Variants in PLS3 observed in about 807,000 individuals in gnomAD.
PLS3 encodes the protein plastin 3, also known as plastin-3.
In PLS3, 11 loss-of-function variants were observed where a neutral mutation model predicts 46.5. That is an observed-to-expected ratio of 0.24 (90% CI 0.15 to 0.39). The LOEUF is 0.39. PLS3 is among the 10% of genes least tolerant of loss of function. The pLI, the probability that PLS3 is intolerant of heterozygous loss-of-function variation, is 1.00. For synonymous variants in PLS3, 167 were observed against 162.2 expected, an observed-to-expected ratio of 1.03 and a Z score of -0.22; for missense variants, 308 against 461.8, an observed-to-expected ratio of 0.67 and a Z score of 3.05.
intron 1 of PLS3, among the ~76,000 whole-genome samples, chrX:115,569,547 G>A (rs1409527660): frequency 3.6e-5 from 4 of 111,968 alleles, no homozygotes; most frequent in Admixed American, 9.5e-5. Context: ...TCCAATAATA[G>A]TAAAAATTCT....
intron 8 of PLS3, among the ~76,000 whole-genome samples, chrX:115,638,849 A>G (rs905630764): frequency 2.7e-5 from 3 of 109,134 alleles, no homozygotes; most frequent in Admixed American, 9.9e-5. Context: ...AGTAGCTAGG[A>G]CTACAGGCAC....
intron 3 of PLS3, among the ~76,000 whole-genome samples, chrX:115,625,024 A>G (rs1556638264): frequency 8.9e-6 from 1 of 111,875 alleles, no homozygotes; most frequent in Non-Finnish European, 1.9e-5. Flanking sequence ...AAGTTTTCAG[A>G]TGCTACTACT....
At chrX:115,563,756 C>T (rs1304706166) in intron 1 of PLS3, among the ~76,000 whole-genome samples, 5 of 111,834 alleles carry the variant, frequency 4.5e-5, no homozygotes, top group African/African-American at 1.6e-4. Flanking sequence ...CCTTAAAGCA[C>T]ATTGTTCTGA....
intron 1 of PLS3, among the ~76,000 whole-genome samples, chrX:115,573,331 T>C (rs1324933124): frequency 8.9e-6 from 1 of 112,156 alleles, no homozygotes; most frequent in Non-Finnish European, 1.9e-5. Context: ...TTAATGTTAC[T>C]TAAATAGAAC....
At chrX:115,628,970 G>A (rs1045196743) in intron 3 of PLS3, among the ~76,000 whole-genome samples, 8 of 111,511 alleles carry the variant, frequency 7.2e-5, no homozygotes, top group Non-Finnish European at 1.1e-4. Context: ...TGCATGTAGC[G>A]CTTAATGTTT....
In PLS3 at chrX:115,649,530, G is replaced by T. The variant is rs1556642200; in HGVS notation, c.1862G>T (p.Cys621Phe). Residue 621 changes from cysteine (C) to phenylalanine (F), a missense_variant, in exon 16 of 16, where the codon TGT (cysteine) becomes TTT (phenylalanine). By Grantham distance (205) the Cys-to-Phe change is radical. Around this residue, in one of 2 missense-constraint regions of PLS3, gnomAD observed 271 missense variants for 435.7 expected, o/e 0.62. Transcript: ENST00000355899. ...AAGATGGTCATGACTGTGTTTGCAT[G>T]TTTGATGGGCAGGGGAATGAAGAGA... ...KPKMVMTVFACLMGRGMKRV is the reference protein window; with the variant it reads ...KPKMVMTVFAFLMGRGMKRV 1 of 1,209,433 alleles carries T rather than the reference G, an allele frequency of 8.3e-7. No homozygotes were observed. The highest frequency in any genetic ancestry group is 1.8e-5 in the South Asian group (1 of 56,607).
At chrX:115,589,199 C>T (rs1300685987) in intron 1 of PLS3, among the ~76,000 whole-genome samples, 2 of 110,723 alleles carry the variant, frequency 1.8e-5, no homozygotes, top group African/African-American at 6.6e-5. Context: ...CTCGAACTCC[C>T]GGGCTAAAGT....
chrX:115,566,851 G>T (rs892165091), intron 1 of PLS3, among the ~76,000 whole-genome samples: 1 of 109,803 alleles, frequency 9.1e-6, no homozygotes, highest in South Asian at 4.0e-4. Context: ...GCTAATTTTT[G>T]TATTTTTAGT....
intron 1 of PLS3, among the ~76,000 whole-genome samples, chrX:115,570,269 G>A (rs1160011905): frequency 9.0e-6 from 1 of 110,575 alleles, no homozygotes; most frequent in African/African-American, 3.3e-5. Flanking sequence ...TGGCATTGAG[G>A]AGGTTTCTTA....
chrX:115,608,849 C>T (rs970896603), intron 1 of PLS3, among the ~76,000 whole-genome samples: 24 of 110,774 alleles, frequency 2.2e-4, no homozygotes, highest in African/African-American at 6.9e-4. Context: ...TTTCTCAGAA[C>T]ACATCTCTGT....
intron 1 of PLS3, among the ~76,000 whole-genome samples, chrX:115,563,767 C>T (rs1303249794): frequency 3.6e-5 from 4 of 111,944 alleles, no homozygotes; most frequent in African/African-American, 1.3e-4. Flanking sequence ...ATTGTTCTGA[C>T]CCCAAGGCTA....
chrX:115,618,470 C>T (rs2074618218), intron 2 of PLS3, among the ~76,000 whole-genome samples: 1 of 111,538 alleles, frequency 9.0e-6, no homozygotes, highest in African/African-American at 3.3e-5. Flanking sequence ...CCTGTAGTCT[C>T]AGCTACTCAG....
chrX:115,606,013 G>A (rs2074487325), intron 1 of PLS3, among the ~76,000 whole-genome samples: 1 of 107,099 alleles, frequency 9.3e-6, no homozygotes, highest in Admixed American at 1.0e-4. Context: ...AAGTAGCGGG[G>A]AGGGGCAGGT....
intron 2 of PLS3, among the ~76,000 whole-genome samples, chrX:115,612,010 G>A (rs1331308477): frequency 9.0e-6 from 1 of 111,529 alleles, no homozygotes; most frequent in Non-Finnish European, 1.9e-5. Context: ...TACTATATAT[G>A]CTGTAAAGAA....
At chrX:115,649,074 T>G (rs1556642136) in intron 15 of PLS3, among the ~76,000 whole-genome samples, 3 of 111,776 alleles carry the variant, frequency 2.7e-5, no homozygotes, top group Non-Finnish European at 1.9e-5. Context: ...CTAAGATGAC[T>G]TGAGTGTGTG....
intron 1 of PLS3, among the ~76,000 whole-genome samples, chrX:115,580,069 T>A (rs1391737280): frequency 8.9e-6 from 1 of 112,260 alleles, no homozygotes; most frequent in Non-Finnish European, 1.9e-5. Flanking sequence ...GTTGTGGAAT[T>A]TTAAGAGGTC....
At chrX:115,597,260 A>G (rs1172349746) in intron 1 of PLS3, among the ~76,000 whole-genome samples, 1 of 111,849 alleles carries the variant, frequency 8.9e-6, no homozygotes, top group Non-Finnish European at 1.9e-5. Flanking sequence ...GTCTAACCCC[A>G]TGCATAACTT....
At chrX:115,581,778 G>A (rs2074280915) in intron 1 of PLS3, among the ~76,000 whole-genome samples, 1 of 112,239 alleles carries the variant, frequency 8.9e-6, no homozygotes, top group Admixed American at 9.5e-5. Context: ...ATAACATTAT[G>A]AATGTGGGAT....
chrX:115,641,542 T>A (rs782758874), intron 9 of PLS3, among the ~76,000 whole-genome samples: 23 of 110,874 alleles, frequency 2.1e-4, no homozygotes, highest in African/African-American at 7.2e-4. Flanking sequence ...AAACCATTTT[T>A]ATGCTGCCCT....
Sources: gnomAD v4.1 joint callset for allele counts (sites outside exome capture counted in the v4.1 genomes callset) on GRCh38, gnomAD v4.1.1 for gene constraint, gnomAD v4.1.1 regional missense constraint, MANE v1.5 for transcripts, NCBI Gene and HGNC (gene_info 2026-07-23, HGNC 2026-07-21) for gene names.